PCDH15: variants seen among roughly 807,000 people sequenced by gnomAD.
PCDH15 encodes the protein protocadherin related 15.
In PCDH15, 129 loss-of-function variants were observed where a neutral mutation model predicts 178.5. The ratio of observed to expected loss-of-function variants is 0.72; its 90% CI spans 0.63 to 0.84. The LOEUF is 0.84. PCDH15 is among the 40% of genes least tolerant of loss of function. The pLI, the probability that PCDH15 is intolerant of heterozygous loss-of-function variation, is 0.00. For synonymous variants in PCDH15, 800 were observed against 732.0 expected, an observed-to-expected ratio of 1.09 and a Z score of -1.50; for missense variants, 2,230 against 2,099.9, an observed-to-expected ratio of 1.06 and a Z score of -1.21.
chr10:54,963,609 T>C (rs1465874727), intron 2 of PCDH15, among the ~76,000 whole-genome samples: 1 of 152,220 alleles, frequency 6.6e-6, no homozygotes, highest in Non-Finnish European at 1.5e-5. Flanking sequence ...CAACACTGTA[T>C]TTAAAAATCC....
At chr10:53,971,758 A>G (rs181237361) in intron 21 of PCDH15, among the ~76,000 whole-genome samples, 30 of 152,308 alleles carry the variant, frequency 2.0e-4, no homozygotes, top group Non-Finnish European at 2.9e-4. Context: ...TTCAAGGAGA[A>G]CTACAAACCA....
chr10:55,482,098 T>C (rs1174981559), intron 2 of PCDH15, among the ~76,000 whole-genome samples: 1 of 151,882 alleles, frequency 6.6e-6, no homozygotes, highest in East Asian at 1.9e-4. Context: ...TTTGGCTTTT[T>C]TGATCTTTGA....
At chr10:54,878,193 C>T (rs1954188072) in intron 3 of PCDH15, among the ~76,000 whole-genome samples, 1 of 151,868 alleles carries the variant, frequency 6.6e-6, no homozygotes, top group Non-Finnish European at 1.5e-5. Flanking sequence ...AAACTCCTGA[C>T]CTCAGGTGAT....
intron 2 of PCDH15, among the ~76,000 whole-genome samples, chr10:55,586,799 G>A (rs1314278645): frequency 6.6e-6 from 1 of 152,098 alleles, no homozygotes; most frequent in Non-Finnish European, 1.5e-5. Flanking sequence ...ACAAGAGAAT[G>A]ATGTACTTTG....
chr10:54,628,101 G>A (rs1008783994), intron 2 of PCDH15, among the ~76,000 whole-genome samples: 35 of 152,046 alleles, frequency 2.3e-4, no homozygotes, highest in Admixed American at 8.5e-4. Flanking sequence ...AATTAATGCT[G>A]TCCTCATTTA....
intron 2 of PCDH15, among the ~76,000 whole-genome samples, chr10:55,516,851 C>T (rs1319941803): frequency 6.6e-6 from 1 of 151,968 alleles, no homozygotes; most frequent in African/African-American, 2.4e-5. Context: ...TGAATTTGAT[C>T]ACATGGGCTG....
chr10:55,553,065 T>G (rs1364016446), intron 2 of PCDH15, among the ~76,000 whole-genome samples: 1 of 151,736 alleles, frequency 6.6e-6, no homozygotes, highest in Non-Finnish European at 1.5e-5. Flanking sequence ...TTTTATAAGT[T>G]TTAATTATAT....
At chr10:54,242,202 A>G (rs2055472310) in intron 8 of PCDH15, among the ~76,000 whole-genome samples, 2 of 133,912 alleles carry the variant, frequency 1.5e-5, no homozygotes, top group Admixed American at 7.3e-5. Context: ...ACACACACAT[A>G]CATACATACA....
chr10:55,003,077 T>A (rs1839830765), intron 2 of PCDH15, among the ~76,000 whole-genome samples: 1 of 152,152 alleles, frequency 6.6e-6, no homozygotes, highest in African/African-American at 2.4e-5. Context: ...TTAACATATG[T>A]TGTCAGTAAT....
At chr10:53,969,049 C>T (rs1053482037) in intron 21 of PCDH15, among the ~76,000 whole-genome samples, 2 of 152,248 alleles carry the variant, frequency 1.3e-5, no homozygotes, top group Admixed American at 6.5e-5. Context: ...TCAGTAATAA[C>T]AAACTTCTCC....
chr10:54,441,843 G>A (rs572054434), intron 3 of PCDH15, among the ~76,000 whole-genome samples: 5 of 151,658 alleles, frequency 3.3e-5, no homozygotes, highest in Admixed American at 6.6e-5. Context: ...AAAGGCCGGG[G>A]GACCTAGAGA....
intron 2 of PCDH15, among the ~76,000 whole-genome samples, chr10:55,474,426 T>C (rs928423665): frequency 6.6e-6 from 1 of 152,228 alleles, no homozygotes; most frequent in African/African-American, 2.4e-5. Context: ...TTAGTAATTT[T>C]CTGAAGTATG....
chr10:54,188,447 T>C (rs1361827204), intron 11 of PCDH15, among the ~76,000 whole-genome samples: 1 of 151,826 alleles, frequency 6.6e-6, no homozygotes, highest in Non-Finnish European at 1.5e-5. Flanking sequence ...AAGTGTTAAA[T>C]CAATAGGTAC....
chr10:54,533,679 T>C (rs2084168678), intron 2 of PCDH15, among the ~76,000 whole-genome samples: 2 of 152,200 alleles, frequency 1.3e-5, no homozygotes, highest in African/African-American at 2.4e-5. Flanking sequence ...GCTATTTCCT[T>C]ACAAGCTGCC....
intron 3 of PCDH15, among the ~76,000 whole-genome samples, chr10:54,438,522 A>G (rs1220949029): frequency 1.3e-5 from 2 of 152,090 alleles, no homozygotes; most frequent in African/African-American, 2.4e-5. Context: ...TAAAGTGGGA[A>G]GAATAATCTG....
chr10:55,080,293 C>T (rs1842004071), intron 2 of PCDH15, among the ~76,000 whole-genome samples: 3 of 152,114 alleles, frequency 2.0e-5, no homozygotes, highest in Admixed American at 6.6e-5. Context: ...TCAGCAGTGG[C>T]ATTAGATTCT....
intron 11 of PCDH15, chr10:54,189,500 T>C: frequency 1.9e-6 from 1 of 531,534 alleles, no homozygotes; most frequent in Non-Finnish European, 2.9e-6. Flanking sequence ...TTTCAGAGTA[T>C]ACAATTTTTT....
At chr10:54,818,882 A>C (rs1452018051) in intron 3 of PCDH15, among the ~76,000 whole-genome samples, 1 of 151,902 alleles carries the variant, frequency 6.6e-6, no homozygotes, top group Non-Finnish European at 1.5e-5. Context: ...TGAGGCACCG[A>C]TTTTTCTTAT....
chr10:55,599,144 T>A (rs1375566083), intron 2 of PCDH15, among the ~76,000 whole-genome samples: 1 of 152,102 alleles, frequency 6.6e-6, no homozygotes, highest in South Asian at 2.1e-4. Context: ...TTAACTAGAA[T>A]AAACTTCACA....
Sources: gnomAD v4.1 joint callset for allele counts (sites outside exome capture counted in the v4.1 genomes callset) on GRCh38, gnomAD v4.1.1 for gene constraint, MANE v1.5 for transcripts, NCBI Gene and HGNC (gene_info 2026-07-23, HGNC 2026-07-21) for gene names.